Variants in UGGT2 observed in about 807,000 individuals in gnomAD.
UGGT2 encodes the protein UDP-glucose:glycoprotein glucosyltransferase 2.
UGGT2 carries 180 observed loss-of-function variants against 192.1 expected under a neutral mutation model. That is an observed-to-expected ratio of 0.94 (90% CI 0.83 to 1.06). The LOEUF is 1.06. Among genes scored for constraint, UGGT2 ranks in the 50% least tolerant of loss-of-function variants. The pLI is 0.00. For synonymous variants in UGGT2, 580 were observed against 591.0 expected, an observed-to-expected ratio of 0.98 and a Z score of 0.27; for missense variants, 1,849 against 1,795.7, an observed-to-expected ratio of 1.03 and a Z score of -0.54.
At chr13:95,941,047 G>C (rs1285363210) in intron 15 of UGGT2, among the ~76,000 whole-genome samples, 1 of 151,996 alleles carries the variant, frequency 6.6e-6, no homozygotes, top group African/African-American at 2.4e-5. Context: ...TATGACCCAG[G>C]TGCTGTTTTA....
chr13:95,842,307 G>A (rs1425967135), intron 36 of UGGT2, among the ~76,000 whole-genome samples: 1 of 151,750 alleles, frequency 6.6e-6, no homozygotes. Flanking sequence ...AAATACTTTA[G>A]GTCTGACTTT....
In UGGT2 at chr13:95,877,876, T is replaced by C. The variant is rs749354822; in HGVS notation, c.3229-20A>G. ...CTCAGTCTGTGGAGGAAGTATGTCA[T>C]TGTTTTTGGTGTTATGTAAAACTCA... On this transcript the variant is annotated intron_variant, in intron 27 of 38. Coordinates refer to ENST00000376747, the MANE Select transcript of UGGT2 (RefSeq NM_020121.4). 1.9e-6 allele frequency: 3 copies of C among 1,600,614 alleles called. No individual in the cohort carries two copies. The highest frequency in any genetic ancestry group is 4.5e-5 in the East Asian group (2 of 44,612).
In UGGT2 at chr13:96,023,134, G is replaced by A; in HGVS notation, c.391C>T (p.Pro131Ser). The A allele has an allele frequency of 1.3e-6, 2 of 1,585,810 alleles. No homozygotes were observed. Among genetic ancestry groups the A allele is most frequent in the South Asian group, 2.3e-5 (2 of 85,170 alleles). Residue 131 changes from proline to serine, a missense_variant, in exon 4 of 39, where the codon CCA becomes TCA. Transcript: ENST00000376747. ...ACAAATGCATTACAACCATCTGGTG[G>A]TGGCTCATCAGCTGCAATCTAAGAT... ...MFQQIAADEP[P>S]PDGCNAFVVI...
rs199859688 is a variant in UGGT2, at chr13:95,921,484, A to AT, written c.2295+4195dup. ...TAGTGGGTAGAGATTCACACTGTGA[A>AT]TTTTTTTTCCCCCAAGAACACTACA... On this transcript the variant is annotated intron_variant, in intron 20 of 38. Transcript: ENST00000376747. Among the ~76,000 whole-genome samples, 541 of 152,054 alleles carry AT rather than the reference A, an allele frequency of 3.6e-3. 3 individuals carry two copies. Among genetic ancestry groups the AT allele is most frequent in the Non-Finnish European group, 6.7e-3 (453 of 67,962 alleles).
chr13:95,862,905 C>A (rs1243144143), intron 31 of UGGT2, among the ~76,000 whole-genome samples: 1 of 152,148 alleles, frequency 6.6e-6, no homozygotes, highest in Non-Finnish European at 1.5e-5. Flanking sequence ...CTCTGTCACC[C>A]AGGCTGGAGT....
intron 1 of UGGT2, among the ~76,000 whole-genome samples, chr13:96,040,621 A>G (rs1034025262): frequency 6.6e-6 from 1 of 152,242 alleles, no homozygotes; most frequent in Non-Finnish European, 1.5e-5. Context: ...AAACCCATTA[A>G]GTTGGGTTTA....
At chr13:96,015,396 A>T (rs1234090976) in intron 4 of UGGT2, among the ~76,000 whole-genome samples, 1 of 152,160 alleles carries the variant, frequency 6.6e-6, no homozygotes, top group Non-Finnish European at 1.5e-5. Context: ...CTTTACACAC[A>T]AAGGTAAGGG....
intron 26 of UGGT2, among the ~76,000 whole-genome samples, chr13:95,884,892 C>T (rs970818322): frequency 6.6e-6 from 1 of 152,038 alleles, no homozygotes; most frequent in Admixed American, 6.6e-5. Flanking sequence ...TATTATCTAC[C>T]ATTGTTAACT....
chr13:95,829,568 G>C (rs538885686), intron 38 of UGGT2, among the ~76,000 whole-genome samples: 2,215 of 152,092 alleles, frequency 0.015, 58 homozygotes, highest in African/African-American at 0.051. Context: ...CTCCCATTCA[G>C]AATTGCTACA....
intron 16 of UGGT2, 45 bp from the exon 17 acceptor site, chr13:95,937,133 T>C (rs2049492546): frequency 1.9e-6 from 3 of 1,544,936 alleles, no homozygotes; most frequent in African/African-American, 1.4e-5. Flanking sequence ...AATATGATTG[T>C]TTGAATAATA....
intron 38 of UGGT2, chr13:95,832,596 A>C (rs1886828144): frequency 2.8e-6 from 1 of 355,744 alleles, no homozygotes; most frequent in Non-Finnish European, 5.6e-6. Flanking sequence ...ACTTGCTCAA[A>C]TTTTCACATT....
intron 13 of UGGT2, among the ~76,000 whole-genome samples, chr13:95,948,872 G>A (rs766764159): frequency 1.3e-5 from 2 of 152,166 alleles, no homozygotes; most frequent in Non-Finnish European, 2.9e-5. Context: ...TGTGCCGTAG[G>A]AGGGACCCAG....
chr13:95,937,550 T>C (rs994579022), intron 16 of UGGT2, among the ~76,000 whole-genome samples: 4 of 152,208 alleles, frequency 2.6e-5, no homozygotes, highest in African/African-American at 9.6e-5. Flanking sequence ...AAACACTTAT[T>C]CAATCCTGCC....
intron 7 of UGGT2, among the ~76,000 whole-genome samples, chr13:95,992,759 A>T (rs1179825218): frequency 1.3e-5 from 2 of 152,188 alleles, no homozygotes; most frequent in Non-Finnish European, 2.9e-5. Flanking sequence ...CTATTATCAA[A>T]AAGTCAAAAA....
intron 5 of UGGT2, among the ~76,000 whole-genome samples, chr13:96,002,044 T>C (rs547686272): frequency 6.6e-6 from 1 of 152,376 alleles, no homozygotes; most frequent in South Asian, 2.1e-4. Flanking sequence ...CAGTAGGTTA[T>C]TACTACTTAA....
intron 2 of UGGT2, among the ~76,000 whole-genome samples, chr13:96,029,096 A>G (rs1204932972): frequency 1.3e-5 from 2 of 152,218 alleles, no homozygotes; most frequent in Admixed American, 6.5e-5. Context: ...GCTGGCAGTT[A>G]GCCGAGATCA....
intron 20 of UGGT2, among the ~76,000 whole-genome samples, chr13:95,909,750 A>T (rs1486931851): frequency 2.0e-5 from 1 of 50,062 alleles, no homozygotes; most frequent in Non-Finnish European, 4.9e-5. Context: ...CTTGAAGTAT[A>T]ATAATAATAA....
At chr13:95,876,027 G>T (rs1891643204) in intron 29 of UGGT2, among the ~76,000 whole-genome samples, 1 of 151,724 alleles carries the variant, frequency 6.6e-6, no homozygotes, top group Admixed American at 6.6e-5. Context: ...TTTTTTAATA[G>T]CCCTAAGCTA....
intron 38 of UGGT2, among the ~76,000 whole-genome samples, chr13:95,823,171 T>G (rs1475799288): frequency 6.6e-6 from 1 of 152,102 alleles, no homozygotes; most frequent in Non-Finnish European, 1.5e-5. Context: ...TGATCTCGAC[T>G]TTCTTAAATT....
Sources: allele counts gnomAD v4.1 joint callset (sites outside exome capture counted in the v4.1 genomes callset), GRCh38; gene constraint gnomAD v4.1.1; transcripts MANE v1.5; gene names NCBI Gene and HGNC (gene_info 2026-07-23, HGNC 2026-07-21).